LYPD6: variants seen among roughly 807,000 people sequenced by gnomAD.
LYPD6 encodes the protein LY6/PLAUR domain containing 6, also known as ly6/PLAUR domain-containing protein 6.
Under a neutral mutation model 22.7 loss-of-function variants are expected in LYPD6, and 15 were observed. The ratio of observed to expected loss-of-function variants is 0.66; its 90% CI spans 0.44 to 1.02. The LOEUF (loss-of-function observed/expected upper bound fraction) is 1.02. LYPD6 is among the 50% of genes least tolerant of loss of function. The probability of loss-of-function intolerance (pLI) is 0.00; values close to 1 mark genes in which losing one functional copy is unlikely to be tolerated. For missense variants in LYPD6, 189 were observed against 208.4 expected, an observed-to-expected ratio of 0.91 and a Z score of 0.57; for synonymous variants, 72 against 77.5, an observed-to-expected ratio of 0.93 and a Z score of 0.37.
At chr2:149,346,564 A>G (rs188774475) in intron 1 of LYPD6, among the ~76,000 whole-genome samples, 1 of 152,326 alleles carries the variant, frequency 6.6e-6, no homozygotes, top group African/African-American at 2.4e-5. Flanking sequence ...CTTGTGTGAA[A>G]AAGAACTTAG....
rs1219637681 is a variant in LYPD6 at position 149,472,950 on chromosome 2, G to A, written c.*2100G>A. The A allele has an allele frequency of 6.6e-6, 1 of 152,608 alleles. No homozygotes were observed. Among genetic ancestry groups the A allele is most frequent in the Non-Finnish European group, 1.5e-5 (1 of 68,034 alleles). The allele number at this position is 152,608 out of a possible 1,614,324, so 9.5% of individuals were successfully genotyped here. A position where few individuals can be genotyped will look rare whatever the true frequency, so the allele number is the denominator to read the frequency against. ...AGTTTATCTCACCCTGCTGTTGCAG[G>A]ATGCTATTTGCATGTGTCCCCAGGT... On this transcript the variant is annotated 3_prime_UTR_variant, in exon 5 of 5. Transcript: ENST00000334166.
At chr2:149,376,425 CA>C (rs1236246496) in intron 1 of LYPD6, among the ~76,000 whole-genome samples, 1 of 151,990 alleles carries the variant, frequency 6.6e-6, no homozygotes, top group East Asian at 1.9e-4. Flanking sequence ...TAACTCTGCT[CA>C]GTAGGGGGGT....
At chr2:149,466,369 G>A (rs890475078) in intron 3 of LYPD6, among the ~76,000 whole-genome samples, 1 of 152,188 alleles carries the variant, frequency 6.6e-6, no homozygotes, top group African/African-American at 2.4e-5. Flanking sequence ...TTGAAGGATT[G>A]ATGCTTCAGC....
At chr2:149,397,092 T>C (rs1682443930) in intron 1 of LYPD6, among the ~76,000 whole-genome samples, 1 of 152,248 alleles carries the variant, frequency 6.6e-6, no homozygotes, top group Non-Finnish European at 1.5e-5. Context: ...CTGTGGTTGG[T>C]TCACTTCATC....
chr2:149,484,512 A>G, the LYPD6 span, among the ~76,000 whole-genome samples: 1 of 151,324 alleles, frequency 6.6e-6, no homozygotes, highest in Non-Finnish European at 1.5e-5. Context: ...TGGCAGAGAA[A>G]ATTCAGATAC....
At chr2:149,468,333 C>T (rs1558818728) in intron 3 of LYPD6, among the ~76,000 whole-genome samples, 1 of 152,088 alleles carries the variant, frequency 6.6e-6, no homozygotes, top group African/African-American at 2.4e-5. Context: ...CCCCGCAAAA[C>T]CACTCATCCC....
intron 3 of LYPD6, among the ~76,000 whole-genome samples, chr2:149,449,846 A>G (rs1359725525): frequency 1.3e-5 from 2 of 152,206 alleles, no homozygotes; most frequent in African/African-American, 4.8e-5. Flanking sequence ...AGGGAATTTT[A>G]TTGACAAATG....
chr2:149,394,051 T>C (rs1229238764), intron 1 of LYPD6, among the ~76,000 whole-genome samples: 2 of 152,194 alleles, frequency 1.3e-5, no homozygotes, highest in African/African-American at 4.8e-5. Flanking sequence ...TAAAATTCGG[T>C]CATTAGCTTA....
chr2:149,376,209 C>G (rs1291084948), intron 1 of LYPD6, among the ~76,000 whole-genome samples: 1 of 152,144 alleles, frequency 6.6e-6, no homozygotes, highest in Non-Finnish European at 1.5e-5. Context: ...GATAAATTCT[C>G]CAGATTTGCG....
intron 3 of LYPD6, among the ~76,000 whole-genome samples, chr2:149,455,349 C>G (rs1485755995): frequency 6.6e-6 from 1 of 151,298 alleles, no homozygotes; most frequent in East Asian, 1.9e-4. Flanking sequence ...AGCTCCGCCT[C>G]CTGGGTTCAC....
chr2:149,405,469 G>A (rs951125153), intron 1 of LYPD6, among the ~76,000 whole-genome samples: 26 of 152,218 alleles, frequency 1.7e-4, no homozygotes, highest in Admixed American at 1.3e-4. Flanking sequence ...TTGGGAGGGT[G>A]TATGTGTCAA....
At chr2:149,433,472 C>G (rs929864159) in intron 1 of LYPD6, among the ~76,000 whole-genome samples, 1 of 152,112 alleles carries the variant, frequency 6.6e-6, no homozygotes, top group Non-Finnish European at 1.5e-5. Context: ...GAGATATTGC[C>G]ATACAGTCAG....
intron 1 of LYPD6, among the ~76,000 whole-genome samples, chr2:149,379,013 C>G (rs1682000176): frequency 6.6e-6 from 1 of 152,152 alleles, no homozygotes. Flanking sequence ...ACATTTTTTT[C>G]TGATCATCTC....
At chr2:149,421,851 G>A (rs1186488206) in intron 1 of LYPD6, among the ~76,000 whole-genome samples, 1 of 152,102 alleles carries the variant, frequency 6.6e-6, no homozygotes, top group African/African-American at 2.4e-5. Context: ...TTTTATAGGA[G>A]AAAACACTTT....
intron 1 of LYPD6, among the ~76,000 whole-genome samples, chr2:149,394,788 C>T (rs919920890): frequency 6.6e-6 from 1 of 152,148 alleles, no homozygotes; most frequent in Non-Finnish European, 1.5e-5. Flanking sequence ...ACTCCCTGCT[C>T]ACCACCATCA....
intron 1 of LYPD6, among the ~76,000 whole-genome samples, chr2:149,404,558 G>A (rs1682648835): frequency 1.3e-5 from 2 of 152,154 alleles, no homozygotes; most frequent in African/African-American, 2.4e-5. Context: ...GTATAAGAAT[G>A]CTTGTGATTT....
downstream of LYPD6, among the ~76,000 whole-genome samples, chr2:149,479,121 TCTC>T (rs1216776256): frequency 1.3e-5 from 2 of 152,250 alleles, no homozygotes; most frequent in Admixed American, 1.3e-4. Flanking sequence ...AACAGTCACT[TCTC>T]AGTCCTCTCC....
chr2:149,348,061 C>CAAAAAA (rs58228847), intron 1 of LYPD6, among the ~76,000 whole-genome samples: 28 of 76,718 alleles, frequency 3.6e-4, no homozygotes, highest in East Asian at 4.4e-4. Context: ...ACTAAAAATA[C>CAAAAAA]AAAAAAAAAA....
rs6712678 is a variant in LYPD6 at position 149,471,069 on chromosome 2, G to C, written c.*219G>C. 1,463 of 430,076 alleles carry C rather than the reference G, an allele frequency of 3.4e-3. 17 individuals carry two copies. Among genetic ancestry groups the C allele is most frequent in the African/African-American group, 0.026 (1,314 of 50,962 alleles). The allele number at this position is 430,076 out of a possible 1,614,324, so 26.6% of individuals were successfully genotyped here. A position where few individuals can be genotyped will look rare whatever the true frequency, so the allele number is the denominator to read the frequency against. The stretch of plus-strand genomic sequence containing the variant: ...CTCATCAAAGCCTTCTGTCAGTACA[G>C]CCCAAGTTCCATACCATAAACGTTT... On this transcript the variant is annotated 3_prime_UTR_variant, in exon 5 of 5. Transcript: ENST00000334166.
Sources: allele counts gnomAD v4.1 joint callset (sites outside exome capture counted in the v4.1 genomes callset), GRCh38; gene constraint gnomAD v4.1.1; transcripts MANE v1.5; gene names NCBI Gene and HGNC (gene_info 2026-07-23, HGNC 2026-07-21).